The following PPP1R13B variants were observed in gnomAD, a reference collection of about 807,000 sequenced individuals.
PPP1R13B encodes protein phosphatase 1 regulatory subunit 13B.
In PPP1R13B, 44 loss-of-function variants were observed where a neutral mutation model predicts 119.8. The ratio of observed to expected loss-of-function variants is 0.37; its 90% CI spans 0.29 to 0.47. The LOEUF (loss-of-function observed/expected upper bound fraction) is 0.47, where lower values mean the gene tolerates loss of function less well. PPP1R13B is among the 20% of genes least tolerant of loss of function. PPP1R13B has a pLI of 0.99. For missense variants in PPP1R13B, 1,227 were observed against 1,413.5 expected (o/e 0.87, Z 2.12); for synonymous variants, 542 against 561.5 (o/e 0.97, Z 0.49).
intron 3 of PPP1R13B, among the ~76,000 whole-genome samples, chr14:103,784,090 C>T (rs1415170139): frequency 1.3e-5 from 2 of 152,056 alleles, no homozygotes; most frequent in South Asian, 2.1e-4. Context: ...ACAGGAGAAT[C>T]GCTTGCACCC....
Position 103,769,210 on chromosome 14 carries a change from C to T in PPP1R13B, c.354+9535G>A, listed in dbSNP as rs550216254. Among the ~76,000 whole-genome samples, 41 of 152,158 alleles carry T rather than the reference C, an allele frequency of 2.7e-4. 4 individuals are homozygous for T. The highest frequency in any genetic ancestry group is 3.4e-3 in the Middle Eastern group (1 of 294). On this transcript the variant is annotated intron_variant, in intron 4 of 16. Coordinates refer to ENST00000202556, the MANE Select transcript of PPP1R13B (RefSeq NM_015316.3). ...AAGCAATTCTCCTGCTTAAGCCTCC[C>T]GAGTAGCTGGGATCACAGGTGCGTG...
intron 4 of PPP1R13B, among the ~76,000 whole-genome samples, chr14:103,768,862 C>T (rs1306112173): frequency 2.0e-5 from 3 of 152,158 alleles, no homozygotes; most frequent in Non-Finnish European, 4.4e-5. Flanking sequence ...AGCCACCCTG[C>T]CCAGCTCTCA....
intron 4 of PPP1R13B, among the ~76,000 whole-genome samples, chr14:103,762,597 A>T (rs76283855): frequency 1.7e-5 from 1 of 60,222 alleles, no homozygotes; most frequent in African/African-American, 4.5e-5. Context: ...TTAAAGTATT[A>T]AAAAAAAAAA....
chr14:103,786,618 A>G (rs183593649), intron 2 of PPP1R13B, among the ~76,000 whole-genome samples: 5 of 151,954 alleles, frequency 3.3e-5, no homozygotes, highest in Admixed American at 3.3e-4. Context: ...TACAAAAATT[A>G]GCCGGGCATG....
rs372897263 is a variant in PPP1R13B, at chr14:103,734,513, G to A, written c.*641C>T. 4.4e-5 allele frequency: 20 copies of A among 456,314 alleles called. No individual in the cohort carries two copies. Among genetic ancestry groups the A allele is most frequent in the East Asian group, 1.4e-4 (2 of 14,392 alleles). 28.3% of individuals were successfully genotyped at this position (456,314 alleles called of 1,614,324 possible). On this transcript the variant is annotated 3_prime_UTR_variant, in exon 17 of 17. Transcript: ENST00000202556. ...TCTTAGGGGTCCTGGTGCCCGTGGCGCGGCAGTCCAGCCACAGTGCTGGGC... is the reference window on the plus strand; with the variant it reads ...TCTTAGGGGTCCTGGTGCCCGTGGCACGGCAGTCCAGCCACAGTGCTGGGC...
At chr14:103,824,437 T>C (rs2086488152) in intron 1 of PPP1R13B, among the ~76,000 whole-genome samples, 1 of 150,580 alleles carries the variant, frequency 6.6e-6, no homozygotes, top group Non-Finnish European at 1.5e-5. Context: ...GGCTCACACC[T>C]GTAATCCCAG....
intron 15 of PPP1R13B, chr14:103,737,401 C>CAAAAA: frequency 6.2e-6 from 1 of 160,810 alleles, no homozygotes; most frequent in Middle Eastern, 2.0e-3. Flanking sequence ...ACTGTCTCTA[C>CAAAAA]AAAAAAAAAA....
At position 103,826,327 on chromosome 14, in the gene PPP1R13B, C is replaced by A. The variant is rs1014063796; in HGVS notation, c.9+20972G>T. Among the ~76,000 whole-genome samples, 26 of 152,268 alleles carry A rather than the reference C, an allele frequency of 1.7e-4. 2 individuals carry two copies. In the East Asian group the frequency reaches 4.4e-3, roughly 26 times the overall value. ...TAACACCCAGGATATAACTACTTCCCGCTCAGCCCAGGCCACTTGACCTTT... is the reference window on the plus strand; with the variant it reads ...TAACACCCAGGATATAACTACTTCCAGCTCAGCCCAGGCCACTTGACCTTT... On this transcript the variant is annotated intron_variant, in intron 1 of 16. Coordinates refer to ENST00000202556, the MANE Select transcript of PPP1R13B (RefSeq NM_015316.3).
At chr14:103,806,157 T>C (rs1267294653) in intron 1 of PPP1R13B, among the ~76,000 whole-genome samples, 4 of 152,222 alleles carry the variant, frequency 2.6e-5, no homozygotes, top group Non-Finnish European at 4.4e-5. Flanking sequence ...AGCTATGGCA[T>C]TGACTGCTGC....
chr14:103,821,765 A>C (rs2152069606), intron 1 of PPP1R13B, among the ~76,000 whole-genome samples: 1 of 152,044 alleles, frequency 6.6e-6, no homozygotes, highest in South Asian at 2.1e-4. Context: ...AAAATAAATA[A>C]ATAAAATAAA....
intron 2 of PPP1R13B, among the ~76,000 whole-genome samples, chr14:103,791,314 A>C (rs2085614607): frequency 6.6e-6 from 1 of 152,174 alleles, no homozygotes. Flanking sequence ...CAAACATCAA[A>C]GGCAAAAACA....
At position 103,740,276 on chromosome 14, in the gene PPP1R13B, G is replaced by A; in HGVS notation, c.2140C>T (p.Pro714Ser). Residue 714 changes from proline to serine, a missense_variant, in exon 12 of 17, where the codon CCC becomes TCC. Physicochemically the swap from Pro to Ser is moderately conservative, Grantham distance 74. Coordinates refer to ENST00000202556, the MANE Select transcript of PPP1R13B (RefSeq NM_015316.3). This position sits in a 1 kb window ranked among gnomAD's most constrained non-coding sequence, Gnocchi z 4.6. The stretch of plus-strand genomic sequence containing the variant: ...ATGTTGGGCCCGCCGGGGCCCTCGG[G>A]CTCTGTGATGGAGCTGCGCTTTTTC... The part of the protein sequence containing the change: ...PLKKRSSITE[P>S]EGPGGPNIQK... 1 of 1,599,706 alleles carries A rather than the reference G, an allele frequency of 6.3e-7. No homozygotes were observed.
chr14:103,848,446 C>T (rs908258652), upstream of PPP1R13B: 15 of 985,370 alleles, frequency 1.5e-5, no homozygotes, highest in Non-Finnish European at 1.8e-5. Context: ...TCAGTAAAGG[C>T]TGCCAGGGGG....
intron 4 of PPP1R13B, among the ~76,000 whole-genome samples, chr14:103,772,644 C>T (rs1420608525): frequency 6.6e-6 from 1 of 151,712 alleles, no homozygotes; most frequent in East Asian, 1.9e-4. Context: ...TTTGGGGAAG[C>T]ACCTGTTCAA....
At chr14:103,839,992 C>T (rs959807221) in intron 1 of PPP1R13B, 1 of 152,160 alleles carries the variant, frequency 6.6e-6, no homozygotes, top group African/African-American at 2.4e-5. Flanking sequence ...ATAAAAACTA[C>T]CTAAATTTTC....
intron 1 of PPP1R13B, among the ~76,000 whole-genome samples, chr14:103,845,030 G>T (rs2152091505): frequency 6.6e-6 from 1 of 152,184 alleles, no homozygotes; most frequent in East Asian, 1.9e-4. Flanking sequence ...TTAATAAAAG[G>T]ATACTACTAA....
At chr14:103,758,656 G>C (rs895216458) in intron 4 of PPP1R13B, among the ~76,000 whole-genome samples, 3 of 152,208 alleles carry the variant, frequency 2.0e-5, no homozygotes, top group African/African-American at 7.2e-5. Flanking sequence ...GGGGGTGAGG[G>C]GAAGGAGCAT....
chr14:103,832,390 T>G (rs917876365), intron 1 of PPP1R13B, among the ~76,000 whole-genome samples: 3 of 152,320 alleles, frequency 2.0e-5, no homozygotes, highest in African/African-American at 7.2e-5. Flanking sequence ...CCAGTCTGTC[T>G]GCCAACGACT....
intron 7 of PPP1R13B, among the ~76,000 whole-genome samples, chr14:103,750,320 G>A (rs1343717703): frequency 6.6e-6 from 1 of 152,146 alleles, no homozygotes; most frequent in East Asian, 1.9e-4. Context: ...AACTCAAAAA[G>A]GACCAAAAAG....
Sources: allele counts gnomAD v4.1 joint callset (sites outside exome capture counted in the v4.1 genomes callset), GRCh38; gene constraint gnomAD v4.1.1; non-coding constraint Gnocchi (gnomAD v3.1); transcripts MANE v1.5; gene names NCBI Gene and HGNC (gene_info 2026-07-23, HGNC 2026-07-21).